Variants in KMT2D observed in about 807,000 individuals in gnomAD.
The protein encoded by KMT2D is histone-lysine N-methyltransferase 2D.
In KMT2D, 55 loss-of-function variants were observed where a neutral mutation model predicts 512.7. That is an observed-to-expected ratio of 0.11 (90% CI 0.09 to 0.13). The LOEUF (loss-of-function observed/expected upper bound fraction) is 0.13. KMT2D is among the 10% of genes least tolerant of loss of function. The pLI is 1.00. For synonymous variants in KMT2D, 2,995 were observed against 2,904.0 expected (o/e 1.03, Z -1.01); for missense variants, 6,061 against 7,127.9 (o/e 0.85, Z 5.39).
rs1160245018 is a variant in KMT2D at position 49,031,425 on chromosome 12, C to G, written c.13280G>C (p.Gly4427Ala). 6 of 1,613,732 alleles carry G rather than the reference C, an allele frequency of 3.7e-6. No homozygotes were observed. The highest frequency in any genetic ancestry group is 5.1e-6 in the Non-Finnish European group (6 of 1,179,860). Residue 4427 changes from glycine to alanine, a missense_variant, in exon 40 of 55, where the codon GGA (glycine) becomes GCA (alanine). Physicochemically the swap from Gly to Ala is moderately conservative, Grantham distance 60 (BLOSUM62 0). This residue lies in a region of KMT2D where 1,600 missense variants were observed against 1,754.9 expected (regional missense o/e 0.91). Transcript: ENST00000301067. ...QEPREEPCAL[G>A]AQSVKREANG... ...GGCCTCCCTCTTCACTGACTGGGCTCCCAGGGCACATGGCTCTTCCCGAGG... is the reference window on the plus strand; with the variant it reads ...GGCCTCCCTCTTCACTGACTGGGCTGCCAGGGCACATGGCTCTTCCCGAGG...
Position 49,042,165 on chromosome 12 carries a change from C to T in KMT2D, c.6033G>A (p.Glu2011=). 1 of 1,612,848 alleles carries T rather than the reference C, an allele frequency of 6.2e-7. No individual in the cohort carries two copies. Among genetic ancestry groups the T allele is most frequent in the Non-Finnish European group, 8.5e-7 (1 of 1,179,496 alleles). The change falls in exon 29 of 55, where the codon GAG becomes GAA. Residue 2011 remains glutamate, a synonymous_variant. Transcript: ENST00000301067. This position sits in a 1 kb window ranked among gnomAD's most constrained non-coding sequence, Gnocchi z 4.4. The stretch of plus-strand genomic sequence containing the variant: ...GTGAGATGGTGGACAGCTGGCCCAA[C>T]TCCTCATCCTTCTCCCAGCGCTGAA... ...RSLQRWEKDE[E]LGQLSTISPV...
In KMT2D at chr12:49,028,921, C is replaced by T. The variant is rs1237158454; in HGVS notation, c.14289G>A (p.Leu4763=). Residue 4763 remains leucine, a synonymous_variant, in exon 46 of 55, where the codon CTG becomes CTA. Coordinates refer to ENST00000301067, the MANE Select transcript of KMT2D (RefSeq NM_003482.4). The part of the protein sequence containing the change: ...PDTKPYGALG[L]EVPGKLPVTT... The stretch of plus-strand genomic sequence containing the variant: ...TGACAGGCAGCTTTCCAGGGACCTC[C>T]AGGCCAAGGGCCCCATAAGGTTTGG... 6.2e-7 allele frequency: 1 copy of T among 1,614,022 alleles called. No homozygotes were observed. Among genetic ancestry groups the T allele is most frequent in the African/African-American group, 1.3e-5 (1 of 75,060 alleles).
rs1942242579 is a variant in KMT2D at position 49,020,214 on chromosome 12, TC to T, written c.*1565del. ...CTCTCTTTTGTGCGTTATAACATAG[TC>T]CAACTATACAACAGGGGGTGGGAAT... On this transcript the variant is annotated 3_prime_UTR_variant, in exon 55 of 55. Transcript: ENST00000301067. The T allele has an allele frequency of 5.8e-6, 1 of 172,770 alleles. No homozygotes were observed. Among genetic ancestry groups the T allele is most frequent in the African/African-American group, 2.4e-5 (1 of 41,826 alleles). The allele number at this position is 172,770 out of a possible 1,614,324, so 10.7% of individuals were successfully genotyped here. A position where few individuals can be genotyped will look rare whatever the true frequency, so the allele number is the denominator to read the frequency against.
At position 49,042,600 on chromosome 12, in the gene KMT2D, G is replaced by A. The variant is rs1023285743; in HGVS notation, c.5828C>T (p.Ser1943Phe). ...CGGGGACTGGCAGAGGCCTGGGTAGGAGTCCATTGGGCTGCTGGAGGGCAG... is the reference window on the plus strand; with the variant it reads ...CGGGGACTGGCAGAGGCCTGGGTAGAAGTCCATTGGGCTGCTGGAGGGCAG... ...GNLPSSSPMD[S>F]YPGLCQSPFL... Residue 1943 changes from serine (S) to phenylalanine (F), a missense_variant, in exon 28 of 55, where the codon TCC (serine) becomes TTC (phenylalanine). Ser to Phe is a radical substitution (Grantham distance 155). This residue lies in a region of KMT2D where 640 missense variants were observed against 814.3 expected (regional missense o/e 0.79). Coordinates refer to ENST00000301067, the MANE Select transcript of KMT2D (RefSeq NM_003482.4). This position sits in a 1 kb window ranked among gnomAD's most constrained non-coding sequence, Gnocchi z 4.4. 1 of 1,613,842 alleles carries A rather than the reference G, an allele frequency of 6.2e-7. No homozygotes were observed.
At position 49,039,134 on chromosome 12, in the gene KMT2D, T is replaced by C; in HGVS notation, c.8366+88A>G. 1 of 1,562,226 alleles carries C rather than the reference T, an allele frequency of 6.4e-7. No individual in the cohort carries two copies. The highest frequency in any genetic ancestry group is 8.8e-7 in the Non-Finnish European group (1 of 1,139,426). On this transcript the variant is annotated intron_variant, in intron 34 of 54. Transcript: ENST00000301067. The surrounding 1 kb of genome is among the most constrained non-coding windows in gnomAD (Gnocchi z 5.0). ...AGAGAAAGTGATACTGGAAAAGGAT[T>C]AGTGATACAGGAAAATCACAAGAGC...
At position 49,044,013 on chromosome 12, in the gene KMT2D, G is replaced by A. The variant is rs1433101727; in HGVS notation, c.5189-15C>T. ...AGCAGGTATCACTGTGGACAGAACGGAAGTGTCAGACTCGGGTTGAGAGCA... is the reference window on the plus strand; with the variant it reads ...AGCAGGTATCACTGTGGACAGAACGAAAGTGTCAGACTCGGGTTGAGAGCA... On this transcript the variant is annotated splice_polypyrimidine_tract_variant and intron_variant, in intron 22 of 54. Coordinates refer to ENST00000301067, the MANE Select transcript of KMT2D (RefSeq NM_003482.4). This position sits in a 1 kb window ranked among gnomAD's most constrained non-coding sequence, Gnocchi z 6.4. The A allele has an allele frequency of 1.9e-6, 3 of 1,613,498 alleles. No individual in the cohort carries two copies. The East Asian group carries it at 6.7e-5, about 36-fold the overall frequency.
chr12:49,022,246 A>C lies in KMT2D; in HGVS notation c.16412+34T>G. The stretch of plus-strand genomic sequence containing the variant: ...ATCCCCCAGAGTGCCACTCTCAGGG[A>C]CCACTAAATCCCTCCTTCCTCGTCA... On this transcript the variant is annotated intron_variant, in intron 53 of 54. Coordinates refer to ENST00000301067, the MANE Select transcript of KMT2D (RefSeq NM_003482.4). The surrounding 1 kb of genome is among the most constrained non-coding windows in gnomAD (Gnocchi z 8.6). The C allele has an allele frequency of 2.5e-6, 4 of 1,592,912 alleles. No homozygotes were observed. The highest frequency in any genetic ancestry group is 3.4e-6 in the Non-Finnish European group (4 of 1,164,632).
intron 48 of KMT2D, among the ~76,000 whole-genome samples, 195 bp downstream of exon 48, chr12:49,027,608 C>T (rs1460013594): frequency 2.0e-5 from 3 of 152,112 alleles, no homozygotes; most frequent in African/African-American, 7.2e-5. Context: ...CACCATCACG[C>T]CTGGCTACTG....
At position 49,042,413 on chromosome 12, in the gene KMT2D, G is replaced by A; in HGVS notation, c.5868-83C>T. On this transcript the variant is annotated intron_variant, in intron 28 of 54. Transcript: ENST00000301067. This position sits in a 1 kb window ranked among gnomAD's most constrained non-coding sequence, Gnocchi z 4.4. ...AAACTGCCTAGAGCCCCAGGCCACT[G>A]CCCTGCCCCAAAAGAGGAGGGTCAC... The A allele has an allele frequency of 6.7e-7, 1 of 1,500,432 alleles. No homozygotes were observed. Among genetic ancestry groups the A allele is most frequent in the Non-Finnish European group, 8.9e-7 (1 of 1,118,924 alleles). The allele number at this position is 1,500,432 out of a possible 1,614,324, so 92.9% of individuals were successfully genotyped here.
At position 49,032,533 on chromosome 12, in the gene KMT2D, T is replaced by A; in HGVS notation, c.12172A>T (p.Met4058Leu). The part of the protein sequence containing the change: ...PLAIGTTPES[M>L]ATEPGEVKPS... ...TTTACCTCTCCTGGTTCAGTGGCCATTGACTCAGGGGTAGTTCCTATTGCT... is the reference window on the plus strand; with the variant it reads ...TTTACCTCTCCTGGTTCAGTGGCCAATGACTCAGGGGTAGTTCCTATTGCT... Residue 4058 changes from methionine (M) to leucine (L), a missense_variant, in exon 40 of 55, where the codon ATG becomes TTG. By Grantham distance (15) the Met-to-Leu change is conservative (BLOSUM62 2). Transcript: ENST00000301067. 1 of 1,602,736 alleles carries A rather than the reference T, an allele frequency of 6.2e-7. No individual in the cohort carries two copies. The highest frequency in any genetic ancestry group is 8.5e-7 in the Non-Finnish European group (1 of 1,174,602).
Position 49,029,377 on chromosome 12 carries a change from C to G in KMT2D, c.14075+24G>C, listed in dbSNP as rs1247655606. ...CCTGTACCCCACCCTTGTTCCTCAT[C>G]CCCATTTCTGGCCCCGCCCCTACCT... is the stretch of plus-strand genomic sequence containing the variant. On this transcript the variant is annotated intron_variant, in intron 44 of 54. Coordinates refer to ENST00000301067, the MANE Select transcript of KMT2D (RefSeq NM_003482.4). 4 of 1,556,664 alleles carry G rather than the reference C, an allele frequency of 2.6e-6. No homozygotes were observed. In the South Asian group the frequency reaches 3.5e-5, roughly 14 times the overall value.
rs1313323169 is a variant in KMT2D, at chr12:49,019,033, A to T, written c.*2747T>A. Reference sequence around the variant, plus strand: ...TTAAAAACAAACTTGGAAGAAGCAAAATCCAAAACTTGCCCTTTGCCTCTC... The same window carrying T: ...TTAAAAACAAACTTGGAAGAAGCAATATCCAAAACTTGCCCTTTGCCTCTC... On this transcript the variant is annotated 3_prime_UTR_variant, in exon 55 of 55. Transcript: ENST00000301067. 2 of 1,378,420 alleles carry T rather than the reference A, an allele frequency of 1.5e-6. No individual in the cohort carries two copies. Among genetic ancestry groups the T allele is most frequent in the Non-Finnish European group, 1.9e-6 (2 of 1,068,050 alleles). 85.4% of individuals were successfully genotyped at this position (1,378,420 alleles called of 1,614,324 possible). A position where few individuals can be genotyped will look rare whatever the true frequency, so the allele number is the denominator to read the frequency against.
chr12:49,028,347 G>A (rs1024937651), intron 46 of KMT2D, among the ~76,000 whole-genome samples: 2 of 152,174 alleles, frequency 1.3e-5, no homozygotes, highest in African/African-American at 4.8e-5. Context: ...CACGAAAAGG[G>A]AACTACATCA....
chr12:49,057,793 C>T (rs1938497931), intron 1 of KMT2D, among the ~76,000 whole-genome samples: 1 of 152,116 alleles, frequency 6.6e-6, no homozygotes, highest in Non-Finnish European at 1.5e-5. Context: ...AGGATTTTTT[C>T]CCTGGATCTA....
rs1474324864 is a variant in KMT2D at position 49,052,365 on chromosome 12, G to A, written c.1318C>T (p.Leu440=). Residue 440 remains leucine (L), a synonymous_variant, in exon 11 of 55, where the codon CTG becomes TTG. Coordinates refer to ENST00000301067, the MANE Select transcript of KMT2D (RefSeq NM_003482.4). ...GGTGACTCCTCAGGTGGGGGCAGCA[G>A]TGGCATCTCCTCGTTTAGGGGGGCC... ...LEAPLNEEMP[L]LPPPEESPLS... is the part of the protein sequence containing the mutation. 11 of 1,546,078 alleles carry A rather than the reference G, an allele frequency of 7.1e-6. No individual in the cohort carries two copies. In the Admixed American group the frequency reaches 2.1e-4, roughly 30 times the overall value.
chr12:49,034,012 T>C (rs1156352132), intron 39 of KMT2D, 48 bp from the exon 40 acceptor site: 7 of 1,570,486 alleles, frequency 4.5e-6, no homozygotes, highest in Non-Finnish European at 6.0e-6. Context: ...GCTCCCCCCA[T>C]GCCAACCCTC....
rs1218498727 is a variant in KMT2D at position 49,028,072 on chromosome 12, G to A, written c.14452C>T (p.Leu4818=). ...SMKIPNSYEV[L]FPESPARAGT... is the part of the protein sequence containing the mutation. ...GCCCGGGCGGGGCTCTCTGGGAACAGCACCTCATAGGAGTTGGGGATCTTC... is the reference window on the plus strand; with the variant it reads ...GCCCGGGCGGGGCTCTCTGGGAACAACACCTCATAGGAGTTGGGGATCTTC... The change falls in exon 47 of 55, where the codon CTG becomes TTG. Residue 4818 remains leucine (L), a synonymous_variant. Transcript: ENST00000301067. The A allele has an allele frequency of 1.9e-6, 3 of 1,613,846 alleles. No homozygotes were observed. Among genetic ancestry groups the A allele is most frequent in the Admixed American group, 3.3e-5 (2 of 59,988 alleles).
rs760279999 is a variant in KMT2D at position 49,032,071 on chromosome 12, G to A, written c.12634C>T (p.Arg4212Trp). ...TGCTGCTGCTGAGGACTTAAGTGCC[G>A]CAGCTGTGGGTTTTTGGCCAGGACT... Reference protein sequence around the residue: ...QGVLAKNPQLRHLSPQQQQQL... With the variant: ...QGVLAKNPQLWHLSPQQQQQL... Residue 4212 changes from arginine (R) to tryptophan (W), a missense_variant, in exon 40 of 55, where the codon CGG becomes TGG. Around this residue, in one of 16 missense-constraint regions of KMT2D, gnomAD observed 1,600 missense variants for 1,754.9 expected, o/e 0.91. Coordinates refer to ENST00000301067, the MANE Select transcript of KMT2D (RefSeq NM_003482.4). 6.9e-5 allele frequency: 111 copies of A among 1,613,708 alleles called. No homozygotes were observed. The highest frequency in any genetic ancestry group is 8.6e-5 in the Non-Finnish European group (101 of 1,179,820).
intron 25 of KMT2D, 41 bp from the exon 26 acceptor site, chr12:49,043,227 G>T: frequency 1.3e-6 from 2 of 1,565,768 alleles, no homozygotes; most frequent in Non-Finnish European, 1.8e-6. Flanking sequence ...AGGCCAGGAT[G>T]GGTCATGGCC....
Sources: allele counts gnomAD v4.1 joint callset (sites outside exome capture counted in the v4.1 genomes callset), GRCh38; gene constraint gnomAD v4.1.1; regional missense constraint gnomAD v4.1.1; non-coding constraint Gnocchi (gnomAD v3.1); transcripts MANE v1.5; gene names NCBI Gene and HGNC (gene_info 2026-07-23, HGNC 2026-07-21).